PIK3C2G: variants seen among roughly 807,000 people sequenced by gnomAD.
PIK3C2G encodes phosphatidylinositol-4-phosphate 3-kinase catalytic subunit type 2 gamma.
Under a neutral mutation model 181.1 loss-of-function variants are expected in PIK3C2G, and 168 were observed. The observed-to-expected ratio is 0.93, with a 90% CI of 0.82 to 1.05. PIK3C2G has a LOEUF of 1.05. Ranked by LOEUF, PIK3C2G falls within the 50% of genes least tolerant of loss-of-function variation. The probability of loss-of-function intolerance (pLI) is 0.00; values close to 1 mark genes in which losing one functional copy is unlikely to be tolerated. For synonymous variants in PIK3C2G, 573 were observed against 592.2 expected (o/e 0.97, Z 0.47); for missense variants, 1,869 against 1,732.8 (o/e 1.08, Z -1.40).
the PIK3C2G span, among the ~76,000 whole-genome samples, chr12:18,680,381 A>G: frequency 2.9e-3 from 445 of 152,084 alleles, 4 homozygotes; most frequent in African/African-American, 9.8e-3. Context: ...CCTTATATCC[A>G]ACATTTAAAA....
chr12:18,356,702 G>A (rs1435567365), intron 11 of PIK3C2G, among the ~76,000 whole-genome samples: 1 of 152,056 alleles, frequency 6.6e-6, no homozygotes, highest in African/African-American at 2.4e-5. Context: ...GTGGGAAGGT[G>A]GTCTTTTCCT....
chr12:18,424,673 C>A, intron 18 of PIK3C2G: 2 of 208,780 alleles, frequency 9.6e-6, no homozygotes, highest in South Asian at 1.9e-4. Flanking sequence ...TTAAGATTGT[C>A]AAAAGATGCT....
At chr12:18,704,927 G>A in the PIK3C2G span, among the ~76,000 whole-genome samples, 1 of 151,796 alleles carries the variant, frequency 6.6e-6, no homozygotes, top group South Asian at 2.1e-4. Context: ...GGACCCATGG[G>A]GTAGGAGACA....
At chr12:18,437,834 T>C (rs1946530161) in intron 18 of PIK3C2G, among the ~76,000 whole-genome samples, 1 of 151,920 alleles carries the variant, frequency 6.6e-6, no homozygotes, top group Admixed American at 6.6e-5. Flanking sequence ...GCTGCATAAG[T>C]AGACTGGTAG....
chr12:18,450,557 C>A (rs1947291524), intron 18 of PIK3C2G, among the ~76,000 whole-genome samples: 1 of 152,158 alleles, frequency 6.6e-6, no homozygotes, highest in Non-Finnish European at 1.5e-5. Context: ...ATGACAGTTT[C>A]TTTTGCTGTG....
At chr12:18,477,106 T>G (rs1456879924) in intron 18 of PIK3C2G, among the ~76,000 whole-genome samples, 1 of 152,086 alleles carries the variant, frequency 6.6e-6, no homozygotes, top group Non-Finnish European at 1.5e-5. Context: ...GCGTGTGCTC[T>G]CCTGCTCTCT....
At chr12:18,453,322 G>A (rs542084843) in intron 18 of PIK3C2G, among the ~76,000 whole-genome samples, 20 of 151,988 alleles carry the variant, frequency 1.3e-4, no homozygotes, top group South Asian at 4.2e-4. Context: ...CTTCTTTGTC[G>A]TTTTTGACCT....
At chr12:18,568,392 G>A (rs561666262) in intron 29 of PIK3C2G, among the ~76,000 whole-genome samples, 1 of 151,746 alleles carries the variant, frequency 6.6e-6, no homozygotes, top group East Asian at 2.0e-4. Flanking sequence ...AATTGTGTGT[G>A]TGTGTGTGTG....
intron 18 of PIK3C2G, among the ~76,000 whole-genome samples, chr12:18,424,345 G>T (rs1945666582): frequency 6.6e-6 from 1 of 152,154 alleles, no homozygotes; most frequent in African/African-American, 2.4e-5. Context: ...ACTCCTTGAA[G>T]ATTTTAATGT....
intron 26 of PIK3C2G, among the ~76,000 whole-genome samples, chr12:18,560,507 T>C (rs1945291972): frequency 6.6e-6 from 1 of 151,732 alleles, no homozygotes; most frequent in Non-Finnish European, 1.5e-5. Context: ...GAAAACATGA[T>C]TTTACAAACA....
At chr12:18,380,435 T>G (rs2137956386) in intron 13 of PIK3C2G, among the ~76,000 whole-genome samples, 1 of 152,304 alleles carries the variant, frequency 6.6e-6, no homozygotes, top group East Asian at 1.9e-4. Context: ...TGCCTAACAC[T>G]AATCCAAAAC....
chr12:18,503,242 T>A (rs769837147), intron 22 of PIK3C2G, 39 bp from the exon 23 acceptor site: 1 of 1,514,530 alleles, frequency 6.6e-7, no homozygotes, highest in East Asian at 2.4e-5. Flanking sequence ...CATCTTGTGA[T>A]GAAGGAATTG....
intron 16 of PIK3C2G, among the ~76,000 whole-genome samples, chr12:18,402,237 T>C (rs550556416): frequency 4.6e-5 from 7 of 152,164 alleles, no homozygotes; most frequent in Non-Finnish European, 1.0e-4. Context: ...TGGAAGGACC[T>C]TGACAGCATT....
At chr12:18,506,822 C>T (rs1249034125) in intron 24 of PIK3C2G, among the ~76,000 whole-genome samples, 1 of 152,104 alleles carries the variant, frequency 6.6e-6, no homozygotes, top group East Asian at 1.9e-4. Context: ...CGCCTGAGAA[C>T]AGCCCCTCAA....
chr12:18,348,393 G>C (rs1345829404), intron 11 of PIK3C2G, among the ~76,000 whole-genome samples: 4 of 151,966 alleles, frequency 2.6e-5, no homozygotes, highest in Non-Finnish European at 4.4e-5. Flanking sequence ...TCTCTACATA[G>C]TACCTACATG....
At chr12:18,656,265 C>G in the PIK3C2G span, among the ~76,000 whole-genome samples, 6 of 152,036 alleles carry the variant, frequency 3.9e-5, no homozygotes, top group Non-Finnish European at 8.8e-5. Context: ...CCTGTCTATA[C>G]CAAAAAAGCA....
chr12:18,251,284 GA>G (rs1157017042), intron 1 of PIK3C2G, among the ~76,000 whole-genome samples: 20 of 152,050 alleles, frequency 1.3e-4, no homozygotes, highest in African/African-American at 3.9e-4. Flanking sequence ...ATTTAGAATG[GA>G]AAAGTCCACT....
At chr12:18,432,905 A>G (rs745843957) in intron 18 of PIK3C2G, among the ~76,000 whole-genome samples, 4 of 152,206 alleles carry the variant, frequency 2.6e-5, no homozygotes, top group Non-Finnish European at 5.9e-5. Flanking sequence ...ACTTTCAAAA[A>G]AGGGTAATTT....
At chr12:18,483,707 C>T (rs192354616) in intron 18 of PIK3C2G, among the ~76,000 whole-genome samples, 1 of 151,670 alleles carries the variant, frequency 6.6e-6, no homozygotes, top group Non-Finnish European at 1.5e-5. Flanking sequence ...AAAAAATGTG[C>T]TTTCCATTCT....
Sources: gnomAD v4.1 joint callset for allele counts (sites outside exome capture counted in the v4.1 genomes callset) on GRCh38, gnomAD v4.1.1 for gene constraint, MANE v1.5 for transcripts, NCBI Gene and HGNC (gene_info 2026-07-23, HGNC 2026-07-21) for gene names.